Variants in MNAT1 observed in about 807,000 individuals in gnomAD.
The protein encoded by MNAT1 is MNAT1 component of CDK activating kinase.
In MNAT1, 43 loss-of-function variants were observed where a neutral mutation model predicts 42.0. The observed-to-expected ratio is 1.02, with a 90% CI of 0.80 to 1.32. The LOEUF is 1.32. MNAT1 is among the 40% of genes most tolerant of loss of function. The pLI is 0.00. For synonymous variants in MNAT1, 118 were observed against 120.0 expected (o/e 0.98, Z 0.11); for missense variants, 306 against 350.4 (o/e 0.87, Z 1.01).
chr14:60,805,489 T>C (rs2032339910), intron 3 of MNAT1, among the ~76,000 whole-genome samples: 1 of 152,234 alleles, frequency 6.6e-6, no homozygotes, highest in African/African-American at 2.4e-5. Context: ...AAACGTATAA[T>C]AATGTGTATC....
intron 6 of MNAT1, among the ~76,000 whole-genome samples, chr14:60,832,768 A>G (rs1026374321): frequency 6.6e-6 from 1 of 152,020 alleles, no homozygotes; most frequent in African/African-American, 2.4e-5. Context: ...TTCTTTGGGA[A>G]GTATGGCCTT....
At chr14:60,951,498 G>T (rs989790543) in intron 7 of MNAT1, among the ~76,000 whole-genome samples, 1 of 151,376 alleles carries the variant, frequency 6.6e-6, no homozygotes, top group Non-Finnish European at 1.5e-5. Flanking sequence ...ACTATTTTCT[G>T]TCCTTCTGTG....
chr14:60,843,459 A>G (rs2033602272), intron 6 of MNAT1, among the ~76,000 whole-genome samples: 1 of 151,530 alleles, frequency 6.6e-6, no homozygotes, highest in South Asian at 2.1e-4. Flanking sequence ...TTTAGTAGAG[A>G]CGGGGTTTCA....
chr14:60,816,422 G>T (rs1329655017), intron 5 of MNAT1, among the ~76,000 whole-genome samples: 3 of 151,986 alleles, frequency 2.0e-5, no homozygotes, highest in Non-Finnish European at 2.9e-5. Context: ...CTTAAATTTT[G>T]TATGGGCTAA....
chr14:60,772,698 C>T (rs2031104099), intron 1 of MNAT1, among the ~76,000 whole-genome samples: 1 of 151,956 alleles, frequency 6.6e-6, no homozygotes, highest in South Asian at 2.1e-4. Context: ...ACAGGATAAC[C>T]TCATTTCTTG....
At chr14:60,939,629 A>G (rs936690988) in intron 7 of MNAT1, among the ~76,000 whole-genome samples, 1 of 152,072 alleles carries the variant, frequency 6.6e-6, no homozygotes, top group Non-Finnish European at 1.5e-5. Context: ...TTTTACATTT[A>G]CTGAGGAGTG....
At chr14:60,875,749 G>C (rs1403003866) in intron 6 of MNAT1, among the ~76,000 whole-genome samples, 1 of 151,952 alleles carries the variant, frequency 6.6e-6, no homozygotes, top group Non-Finnish European at 1.5e-5. Flanking sequence ...TTAGTAATTT[G>C]GGTATTGTTG....
chr14:60,933,331 T>C (rs1021569849), intron 7 of MNAT1, among the ~76,000 whole-genome samples: 1 of 152,114 alleles, frequency 6.6e-6, no homozygotes, highest in African/African-American at 2.4e-5. Flanking sequence ...CCGTATAATT[T>C]TGGCATTTAG....
At chr14:60,827,933 G>A (rs1176109860) in intron 6 of MNAT1, among the ~76,000 whole-genome samples, 1 of 152,096 alleles carries the variant, frequency 6.6e-6, no homozygotes, top group Non-Finnish European at 1.5e-5. Context: ...AGAGTTACAT[G>A]TAAGTAAATA....
At chr14:60,923,808 G>C (rs964415356) in intron 7 of MNAT1, among the ~76,000 whole-genome samples, 1 of 152,038 alleles carries the variant, frequency 6.6e-6, no homozygotes, top group Non-Finnish European at 1.5e-5. Context: ...GTGGAACCTT[G>C]TTTCCACAAA....
At chr14:60,879,655 A>G (rs1362998092) in intron 6 of MNAT1, 59 bp from the exon 7 acceptor site, 4 of 1,475,060 alleles carry the variant, frequency 2.7e-6, no homozygotes, top group Non-Finnish European at 3.7e-6. Flanking sequence ...ATGATTATAA[A>G]TAAGTAGCAA....
intron 7 of MNAT1, among the ~76,000 whole-genome samples, chr14:60,943,009 T>A (rs905944808): frequency 4.5e-5 from 1 of 22,378 alleles, no homozygotes; most frequent in Non-Finnish European, 8.2e-5. Context: ...ATGTAGTGTG[T>A]GTGTGTGTGT....
intron 1 of MNAT1, among the ~76,000 whole-genome samples, chr14:60,752,890 G>A (rs1007073195): frequency 7.2e-5 from 11 of 152,162 alleles, no homozygotes; most frequent in African/African-American, 2.4e-4. Flanking sequence ...TCAGCTTCCC[G>A]AGTAGCTGGG....
chr14:60,802,746 G>T (rs1333322882), intron 3 of MNAT1, among the ~76,000 whole-genome samples: 1 of 152,080 alleles, frequency 6.6e-6, no homozygotes, highest in East Asian at 1.9e-4. Context: ...CAGTTGTATG[G>T]TGTTAATCAG....
At chr14:60,879,495 G>A (rs1268360061) in intron 6 of MNAT1, among the ~76,000 whole-genome samples, 1 of 152,122 alleles carries the variant, frequency 6.6e-6, no homozygotes. Flanking sequence ...TGAATTTAAT[G>A]ATGGATTTGG....
intron 6 of MNAT1, among the ~76,000 whole-genome samples, chr14:60,842,215 A>T (rs2033570746): frequency 6.6e-6 from 1 of 152,232 alleles, no homozygotes. Flanking sequence ...TGCAGATCAT[A>T]TGGCCTGCAA....
At chr14:60,939,940 G>C (rs1395395244) in intron 7 of MNAT1, among the ~76,000 whole-genome samples, 1 of 152,132 alleles carries the variant, frequency 6.6e-6, no homozygotes, top group Non-Finnish European at 1.5e-5. Context: ...TATATATTTA[G>C]GATAGTTAGC....
chr14:60,946,322 T>C (rs1258916156), intron 7 of MNAT1, among the ~76,000 whole-genome samples: 4 of 152,208 alleles, frequency 2.6e-5, no homozygotes, highest in African/African-American at 9.6e-5. Context: ...TCTACTTCCT[T>C]ATTTCTGATT....
rs570717708 is a variant in MNAT1, at chr14:60,891,179, T to G, written c.809+11344T>G. On this transcript the variant is annotated intron_variant, in intron 7 of 7. Coordinates refer to ENST00000261245, the MANE Select transcript of MNAT1 (RefSeq NM_002431.4). ...AATTTAAGTCTTCTCTCCTTTTTCC[T>G]TAGTCTATTTAGCATTTCTGATTTT... Among the ~76,000 whole-genome samples, 13 of 152,294 alleles carry G rather than the reference T, an allele frequency of 8.5e-5. No homozygotes were observed. The South Asian group carries it at 2.3e-3, about 27-fold the overall frequency.
Sources: gnomAD v4.1 joint callset for allele counts (sites outside exome capture counted in the v4.1 genomes callset) on GRCh38, gnomAD v4.1.1 for gene constraint, MANE v1.5 for transcripts, NCBI Gene and HGNC (gene_info 2026-07-23, HGNC 2026-07-21) for gene names.